The following DMD variants were observed in gnomAD, a reference collection of about 807,000 sequenced individuals.
DMD encodes the protein mutant dystrophin.
In DMD, 63 loss-of-function variants were observed where a neutral mutation model predicts 330.1. The observed-to-expected ratio is 0.19, with a 90% confidence interval of 0.16 to 0.24. The LOEUF is 0.24. Ranked by LOEUF, DMD falls within the 10% of genes least tolerant of loss-of-function variation. The probability of loss-of-function intolerance (pLI) is 1.00; values close to 1 mark genes in which losing one functional copy is unlikely to be tolerated. For missense variants in DMD, 3,344 were observed against 2,684.1 expected (o/e 1.25, Z -5.43); for synonymous variants, 1,223 against 959.8 (o/e 1.27, Z -5.07).
intron 2 of DMD, among the ~76,000 whole-genome samples, chrX:32,953,018 C>T (rs1451188847): frequency 1.8e-5 from 2 of 108,295 alleles, no homozygotes; most frequent in African/African-American, 3.4e-5. Flanking sequence ...GCCTGTAATC[C>T]CAGCTACTCG....
At chrX:32,197,674 CATTTT>C (rs1338932307) in intron 44 of DMD, among the ~76,000 whole-genome samples, 1 of 111,618 alleles carries the variant, frequency 9.0e-6, no homozygotes, top group Non-Finnish European at 1.9e-5. Context: ...ATGTTCTTCA[CATTTT>C]ATTTATTTCA....
chrX:31,909,053 CA>C (rs1164681700), intron 47 of DMD, among the ~76,000 whole-genome samples: 2 of 112,223 alleles, frequency 1.8e-5, no homozygotes, highest in African/African-American at 3.2e-5. Flanking sequence ...GTTGTAATGT[CA>C]AAATTACCAT....
chrX:32,874,247 GCGACAA>G (rs2083213881), intron 2 of DMD, among the ~76,000 whole-genome samples: 1 of 111,923 alleles, frequency 8.9e-6, no homozygotes, highest in Non-Finnish European at 1.9e-5. Context: ...GTAGAACATT[GCGACAA>G]GTTCATTTTT....
chrX:32,706,243 G>C lies in DMD; in HGVS notation c.650-6950C>G, dbSNP rs1357395280. 8.8e-3 allele frequency among the ~76,000 whole-genome samples: 492 copies of C among 56,111 alleles called. 10 individuals carry two copies. Among genetic ancestry groups the C allele is most frequent in the African/African-American group, 0.033 (476 of 14,380 alleles). The allele number at this position is 56,111 out of a possible 115,157, so 48.7% of individuals were successfully genotyped here. ...GCCTGTTGTGGGGTGGGGGGAGTGG[G>C]GAGGGGGGAGGGATAGCATTAGGAG... On this transcript the variant is annotated intron_variant, in intron 7 of 78. Coordinates refer to ENST00000357033, the MANE Select transcript of DMD (RefSeq NM_004006.3).
intron 7 of DMD, among the ~76,000 whole-genome samples, chrX:32,767,352 A>G (rs2073107988): frequency 9.0e-6 from 1 of 110,916 alleles, no homozygotes; most frequent in African/African-American, 3.3e-5. Flanking sequence ...CCATTTATGA[A>G]TTATTCAGGA....
In DMD at chrX:31,896,631, C is replaced by T. The variant is rs139951136; in HGVS notation, c.6913-21258G>A. 5.8e-3 allele frequency among the ~76,000 whole-genome samples: 644 copies of T among 111,357 alleles called. 6 individuals carry two copies. Among genetic ancestry groups the T allele is most frequent in the African/African-American group, 0.02 (608 of 30,721 alleles). ...GAATGTGCTTCAAGTTTCAGAAAACCAGATCTACCTCTGCTTATTCTTTTA... is the reference window on the plus strand; with the variant it reads ...GAATGTGCTTCAAGTTTCAGAAAACTAGATCTACCTCTGCTTATTCTTTTA... On this transcript the variant is annotated intron_variant, in intron 47 of 78. Coordinates refer to ENST00000357033, the MANE Select transcript of DMD (RefSeq NM_004006.3).
chrX:32,176,337 A>G (rs1361548907), intron 44 of DMD, among the ~76,000 whole-genome samples: 1 of 111,796 alleles, frequency 8.9e-6, no homozygotes, highest in Non-Finnish European at 1.9e-5. Flanking sequence ...AGTGTGCAGG[A>G]TATTACTTGG....
intron 11 of DMD, among the ~76,000 whole-genome samples, 164 bp downstream of exon 11, chrX:32,643,968 C>A (rs933757816): frequency 4.5e-5 from 5 of 111,790 alleles, no homozygotes; most frequent in African/African-American, 1.6e-4. Flanking sequence ...AAAGTGAAAA[C>A]CAAAATGTTA....
intron 67 of DMD, among the ~76,000 whole-genome samples, chrX:31,197,084 A>G (rs2042978549): frequency 9.0e-6 from 1 of 111,388 alleles, no homozygotes; most frequent in Non-Finnish European, 1.9e-5. Context: ...GGCACCTTCT[A>G]TGTATCCACT....
At position 33,217,995 on chromosome X, in the gene DMD, G is replaced by T. The variant is rs539510477; in HGVS notation, c.7+121264C>A. Among the ~76,000 whole-genome samples, 33 of 111,307 alleles carry T rather than the reference G, an allele frequency of 3.0e-4. No homozygotes were observed. In the South Asian group the frequency reaches 0.012, roughly 41 times the overall value. On this transcript the variant is annotated intron_variant, in intron 1 of 17. Coordinates refer to the DMD transcript ENST00000288447. ...AATAATAGTAGGGCTGAAAGCAACCGTCTTTGCCTTAATCCTAATATTAGG... is the reference window on the plus strand; with the variant it reads ...AATAATAGTAGGGCTGAAAGCAACCTTCTTTGCCTTAATCCTAATATTAGG...
At position 31,120,611 on chromosome X, in the gene DMD, A is replaced by C. The variant is rs2032246724; in HGVS notation, c.*1308T>G. ...CCTTTTGACTGTGAGAAGAGGGCATAATAATTTAGTTGTAATTACAGAGAA... is the reference window on the plus strand; with the variant it reads ...CCTTTTGACTGTGAGAAGAGGGCATCATAATTTAGTTGTAATTACAGAGAA... On this transcript the variant is annotated 3_prime_UTR_variant, in exon 79 of 79. Transcript: ENST00000357033. 1 of 112,175 alleles carries C rather than the reference A, an allele frequency of 8.9e-6. No individual in the cohort carries two copies. The highest frequency in any genetic ancestry group is 1.9e-5 in the Non-Finnish European group (1 of 53,249). 9.2% of individuals were successfully genotyped at this position (112,175 alleles called of 1,213,427 possible).
intron 41 of DMD, among the ~76,000 whole-genome samples, chrX:32,321,785 T>G (rs1446532723): frequency 9.0e-6 from 1 of 111,572 alleles, no homozygotes; most frequent in African/African-American, 3.3e-5. Flanking sequence ...GACTTAGGCA[T>G]GAGAGAAAAT....
chrX:31,843,456 C>G (rs1304594081), intron 48 of DMD, among the ~76,000 whole-genome samples: 1 of 111,977 alleles, frequency 8.9e-6, no homozygotes, highest in Non-Finnish European at 1.9e-5. Context: ...TTGCATTTCT[C>G]TAATGATGAG....
intron 27 of DMD, among the ~76,000 whole-genome samples, chrX:32,444,534 T>C (rs1314328286): frequency 9.0e-6 from 1 of 111,027 alleles, no homozygotes; most frequent in Non-Finnish European, 1.9e-5. Context: ...ATAAAGATAA[T>C]AGAACAATTT....
intron 9 of DMD, among the ~76,000 whole-genome samples, chrX:32,694,960 A>G (rs2063542239): frequency 1.8e-5 from 2 of 112,045 alleles, no homozygotes; most frequent in South Asian, 3.7e-4. Context: ...CGGCCTTACC[A>G]TTTATTAAAT....
intron 44 of DMD, among the ~76,000 whole-genome samples, chrX:32,098,072 G>GA (rs2096520460): frequency 9.1e-6 from 1 of 109,995 alleles, no homozygotes; most frequent in Non-Finnish European, 1.9e-5. Context: ...GCTCTTCAAG[G>GA]AAAAAAATCA....
intron 7 of DMD, among the ~76,000 whole-genome samples, chrX:32,712,169 C>T (rs2065246936): frequency 1.8e-5 from 2 of 111,545 alleles, no homozygotes; most frequent in African/African-American, 6.5e-5. Context: ...ATTTATTGGA[C>T]ACTTGCCATA....
chrX:32,541,378 C>A (rs953148867), intron 17 of DMD, among the ~76,000 whole-genome samples: 6 of 111,618 alleles, frequency 5.4e-5, no homozygotes, highest in Admixed American at 2.9e-4. Flanking sequence ...GTCTCCACCA[C>A]CAAATAAGAA....
chrX:32,458,466 T>C (rs2098370050), intron 25 of DMD, among the ~76,000 whole-genome samples: 2 of 111,606 alleles, frequency 1.8e-5, no homozygotes, highest in South Asian at 7.3e-4. Flanking sequence ...GGGGTGCAGA[T>C]ACCTCCTTGA....
Sources: allele counts gnomAD v4.1 joint callset (sites outside exome capture counted in the v4.1 genomes callset), GRCh38; gene constraint gnomAD v4.1.1; transcripts MANE v1.5; gene names NCBI Gene and HGNC (gene_info 2026-07-23, HGNC 2026-07-21).